USP33: variants seen among roughly 807,000 people sequenced by gnomAD.
The protein encoded by USP33 is ubiquitin carboxyl-terminal hydrolase 33.
USP33 carries 46 observed loss-of-function variants against 124.2 expected under a neutral mutation model. The observed-to-expected ratio is 0.37, with a 90% CI of 0.29 to 0.47. The LOEUF (loss-of-function observed/expected upper bound fraction) is 0.47. Among genes scored for constraint, USP33 ranks in the 20% least tolerant of loss-of-function variants. The probability of loss-of-function intolerance (pLI) is 0.99; values close to 1 mark genes in which losing one functional copy is unlikely to be tolerated. For missense variants in USP33, 851 were observed against 1,070.6 expected, an observed-to-expected ratio of 0.79 and a Z score of 2.86; for synonymous variants, 350 against 352.3, an observed-to-expected ratio of 0.99 and a Z score of 0.07.
chr1:77,704,153 T>C (rs1248917093), intron 21 of USP33, among the ~76,000 whole-genome samples: 2 of 151,938 alleles, frequency 1.3e-5, no homozygotes, highest in East Asian at 1.9e-4. Flanking sequence ...TGTGTATGCA[T>C]ATATAAGCTC....
In USP33 at chr1:77,739,330, A is replaced by G. The variant is rs769293810; in HGVS notation, c.286T>C (p.Leu96=). The change falls in exon 5 of 24, where the codon TTA becomes CTA. Residue 96 remains leucine, a synonymous_variant. Transcript: ENST00000370794. ...TGAGGCAATGAAGGCTGAGTTCCTA[A>G]TTTCCTATCCAAAAATACTTCTTTG... The part of the protein sequence containing the change: ...CSKEVFLDRK[L]GTQPSLPHVR... The G allele has an allele frequency of 1.3e-5, 21 of 1,613,904 alleles. No homozygotes were observed. The East Asian group carries it at 4.7e-4, about 36-fold the overall frequency.
intron 21 of USP33, among the ~76,000 whole-genome samples, chr1:77,709,169 G>A (rs754106767): frequency 6.6e-6 from 1 of 152,024 alleles, no homozygotes; most frequent in Non-Finnish European, 1.5e-5. Context: ...ATACCAATAT[G>A]GATGCAGTAT....
intron 21 of USP33, among the ~76,000 whole-genome samples, chr1:77,701,826 C>T (rs528842322): frequency 6.6e-6 from 1 of 152,106 alleles, no homozygotes; most frequent in South Asian, 2.1e-4. Context: ...CCTGCCACCG[C>T]ACCTGGCTAA....
rs1302308638 is a variant in USP33 at position 77,728,704 on chromosome 1, T to C, written c.726A>G (p.Gln242=). The change falls in exon 10 of 24, where the codon CAA becomes CAG. Residue 242 remains glutamine (Q), a synonymous_variant. Coordinates refer to ENST00000370794, the MANE Select transcript of USP33 (RefSeq NM_201624.3). ...TFRGYSQQDA[Q]EFLRCLMDLL... is the part of the protein sequence containing the mutation. Reference sequence around the variant, plus strand: ...AATCCATTAAACATCGAAGGAATTCTTGAGCATCCTAATATATCAGCAACA... The same window carrying C: ...AATCCATTAAACATCGAAGGAATTCCTGAGCATCCTAATATATCAGCAACA... 2.5e-6 allele frequency: 4 copies of C among 1,611,946 alleles called. No individual in the cohort carries two copies. Among genetic ancestry groups the C allele is most frequent in the Non-Finnish European group, 3.4e-6 (4 of 1,179,308 alleles).
chr1:77,697,599 C>T, intron 23 of USP33, 125 bp from the exon 24 acceptor site: 4 of 1,148,360 alleles, frequency 3.5e-6, no homozygotes, highest in South Asian at 1.7e-5. Context: ...CATGAATCTG[C>T]AGACTACCAG....
chr1:77,741,028 G>T, intron 3 of USP33, 89 bp from the exon 4 acceptor site: 1 of 940,468 alleles, frequency 1.1e-6, no homozygotes, highest in South Asian at 1.8e-5. Context: ...TTACAATTAA[G>T]TTTGGATTAC....
In USP33 at chr1:77,697,284, G is replaced by A. The variant is rs377410559; in HGVS notation, c.*33C>T. The A allele has an allele frequency of 1.9e-6, 3 of 1,547,012 alleles. No homozygotes were observed. Among genetic ancestry groups the A allele is most frequent in the Non-Finnish European group, 2.6e-6 (3 of 1,148,104 alleles). ...TGTACATGTCAGGGCACATGAAAATGATTCCTCATTAGAACTCTCTACATC... is the reference window on the plus strand; with the variant it reads ...TGTACATGTCAGGGCACATGAAAATAATTCCTCATTAGAACTCTCTACATC... On this transcript the variant is annotated 3_prime_UTR_variant, in exon 24 of 24. Transcript: ENST00000370794.
chr1:77,722,417 G>GT (rs1242576318), intron 12 of USP33: 29 of 445,538 alleles, frequency 6.5e-5, no homozygotes, highest in African/African-American at 5.5e-4. Flanking sequence ...GTATCTTCAC[G>GT]TAAGTCCTGT....
Position 77,713,274 on chromosome 1 carries a change from A to G in USP33, c.2223T>C (p.Pro741=). 1.9e-6 allele frequency: 3 copies of G among 1,570,862 alleles called. No individual in the cohort carries two copies. Among genetic ancestry groups the G allele is most frequent in the Non-Finnish European group, 2.6e-6 (3 of 1,167,040 alleles). Residue 741 remains proline (P), a synonymous_variant, in exon 20 of 24, where the codon CCT becomes CCC. Transcript: ENST00000370794. ...CTTCAATATAACCAGCTTTTCTTGG[A>G]GGAACACCTAAAAAAATATATAAAC... is the stretch of plus-strand genomic sequence containing the variant. ...NDFLCIHGGV[P]PRKAGYIEDL...
intron 1 of USP33, among the ~76,000 whole-genome samples, chr1:77,752,266 T>C (rs1680411762): frequency 6.6e-6 from 1 of 151,922 alleles, no homozygotes; most frequent in Non-Finnish European, 1.5e-5. Context: ...GTCACTTGAG[T>C]AGCTGGGATT....
chr1:77,723,300 T>C (rs754388344), intron 12 of USP33, 31 bp downstream of exon 12: 1 of 1,471,708 alleles, frequency 6.8e-7, no homozygotes, highest in African/African-American at 1.4e-5. Context: ...TGACACGAAT[T>C]TTCTGTGTAT....
intron 1 of USP33, 88 bp from the exon 2 acceptor site, chr1:77,741,836 A>T: frequency 1.1e-5 from 14 of 1,219,356 alleles, no homozygotes; most frequent in Non-Finnish European, 1.5e-5. Context: ...TAAAATGTTA[A>T]CATATTAAAA....
chr1:77,717,285 C>T (rs895041213), intron 17 of USP33, among the ~76,000 whole-genome samples: 2 of 151,968 alleles, frequency 1.3e-5, no homozygotes, highest in African/African-American at 2.4e-5. Context: ...GTCAGGAGAT[C>T]GAGACCATCC....
rs911286696 is a variant in USP33, at chr1:77,713,271, T to C, written c.2226A>G (p.Pro742=). The change falls in exon 20 of 24, where the codon CCA becomes CCG. Residue 742 remains proline, a synonymous_variant. Coordinates refer to ENST00000370794, the MANE Select transcript of USP33 (RefSeq NM_201624.3). ...GGTCTTCAATATAACCAGCTTTTCT[T>C]GGAGGAACACCTAAAAAAATATATA... ...DFLCIHGGVP[P]RKAGYIEDLV... The C allele has an allele frequency of 1.9e-6, 3 of 1,572,224 alleles. No individual in the cohort carries two copies. Among genetic ancestry groups the C allele is most frequent in the Non-Finnish European group, 2.6e-6 (3 of 1,167,610 alleles).
intron 22 of USP33, 126 bp from the exon 23 acceptor site, chr1:77,698,057 T>C (rs761206231): frequency 1.6e-4 from 110 of 696,772 alleles, no homozygotes; most frequent in Non-Finnish European, 2.3e-4. Flanking sequence ...GGCAAATTAT[T>C]ATAGTTAATT....
chr1:77,759,594 A>G (rs1681138167), intron 1 of USP33, 49 bp downstream of exon 1: 1 of 398,214 alleles, frequency 2.5e-6, no homozygotes, highest in Non-Finnish European at 4.4e-6. Flanking sequence ...CCCGGACGCG[A>G]GCGAAACGCC....
Position 77,713,266 on chromosome 1 carries a change from T to C in USP33, c.2231A>G (p.Lys744Arg). The change falls in exon 20 of 24, where the codon AAA becomes AGA. Residue 744 changes from lysine to arginine, a missense_variant. By Grantham distance (26) the Lys-to-Arg change is conservative. Around this residue, in one of 4 missense-constraint regions of USP33, gnomAD observed 281 missense variants for 425.0 expected, o/e 0.66. Transcript: ENST00000370794. ...LCIHGGVPPRKAGYIEDLVLM... is the reference protein window; with the variant it reads ...LCIHGGVPPRRAGYIEDLVLM... ...AACCAGGTCTTCAATATAACCAGCT[T>C]TTCTTGGAGGAACACCTAAAAAAAT... The C allele has an allele frequency of 6.4e-7, 1 of 1,572,320 alleles. No individual in the cohort carries two copies. The highest frequency in any genetic ancestry group is 8.6e-7 in the Non-Finnish European group (1 of 1,167,706).
Position 77,725,634 on chromosome 1 carries a change from G to C in USP33, c.1264C>G (p.Pro422Ala), listed in dbSNP as rs140981418. The change falls in exon 11 of 24, where the codon CCA becomes GCA. Residue 422 changes from proline to alanine, a missense_variant. By Grantham distance (27) the Pro-to-Ala change is conservative. Transcript: ENST00000370794. ...AGAAACGTTTTACCTTTTTTGTGTG[G>C]TGGTGCCAATCCTGGCCACAAATTG... The part of the protein sequence containing the change: ...SGNLWPGLAP[P>A]HKKAQSASPK... 53 of 1,613,166 alleles carry C rather than the reference G, an allele frequency of 3.3e-5. No individual in the cohort carries two copies. In the African/African-American group the frequency reaches 6.3e-4, roughly 19 times the overall value.
chr1:77,711,025 G>A (rs1480400339), intron 21 of USP33, among the ~76,000 whole-genome samples: 1 of 151,984 alleles, frequency 6.6e-6, no homozygotes, highest in African/African-American at 2.4e-5. Flanking sequence ...CTCAGTTTGT[G>A]AAAAGTGAGT....
Sources: gnomAD v4.1 joint callset for allele counts (sites outside exome capture counted in the v4.1 genomes callset) on GRCh38, gnomAD v4.1.1 for gene constraint, gnomAD v4.1.1 regional missense constraint, MANE v1.5 for transcripts, NCBI Gene and HGNC (gene_info 2026-07-23, HGNC 2026-07-21) for gene names.